Variants in LRRC8D observed in about 807,000 individuals in gnomAD.
The protein encoded by LRRC8D is leucine rich repeat containing 8 VRAC subunit D, also known as volume-regulated anion channel subunit LRRC8D.
A neutral mutation model predicts 55.8 loss-of-function variants in LRRC8D; 20 were observed. The ratio of observed to expected loss-of-function variants is 0.36; its 90% CI spans 0.25 to 0.52. The LOEUF (loss-of-function observed/expected upper bound fraction) is 0.52, where lower values mean the gene tolerates loss of function less well. Ranked by LOEUF, LRRC8D falls within the 20% of genes least tolerant of loss-of-function variation. The pLI, the probability that LRRC8D is intolerant of heterozygous loss-of-function variation, is 0.93. For missense variants in LRRC8D, 651 were observed against 1,030.8 expected, an observed-to-expected ratio of 0.63 and a Z score of 5.05; for synonymous variants, 352 against 377.0, an observed-to-expected ratio of 0.93 and a Z score of 0.77.
chr1:89,914,664 A>G (rs1270559726), intron 2 of LRRC8D, among the ~76,000 whole-genome samples: 1 of 149,156 alleles, frequency 6.7e-6, no homozygotes, highest in African/African-American at 2.5e-5. Flanking sequence ...GTTTTTGTTT[A>G]CTATTACTGC....
intron 2 of LRRC8D, among the ~76,000 whole-genome samples, chr1:89,854,876 GA>G (rs995385219): frequency 3.9e-5 from 6 of 152,186 alleles, no homozygotes; most frequent in African/African-American, 1.4e-4. Flanking sequence ...TAGCAAGTCA[GA>G]AAAGGGGAAG....
chr1:89,927,166 A>G (rs1416814464), intron 2 of LRRC8D, among the ~76,000 whole-genome samples: 1 of 152,264 alleles, frequency 6.6e-6, no homozygotes, highest in Non-Finnish European at 1.5e-5. Flanking sequence ...CACCAGAGGA[A>G]GAGACAGGCT....
chr1:89,902,453 A>T (rs1166434148), intron 2 of LRRC8D, among the ~76,000 whole-genome samples: 1 of 151,978 alleles, frequency 6.6e-6, no homozygotes, highest in Non-Finnish European at 1.5e-5. Flanking sequence ...GCCCTCTCTG[A>T]TAAGCTGCCG....
chr1:89,842,258 G>T (rs1049077776), intron 1 of LRRC8D, among the ~76,000 whole-genome samples: 10 of 150,668 alleles, frequency 6.6e-5, no homozygotes, highest in Non-Finnish European at 8.8e-5. Flanking sequence ...GTAGGAATTC[G>T]CAGTGTAGGG....
chr1:89,881,763 T>C (rs938688753), intron 2 of LRRC8D, among the ~76,000 whole-genome samples: 6 of 152,198 alleles, frequency 3.9e-5, no homozygotes, highest in African/African-American at 1.4e-4. Context: ...TGGAACAGCC[T>C]CACTGAACTT....
chr1:89,935,000 C>G lies in LRRC8D; in HGVS notation c.1932C>G (p.Asn644Lys). 1 of 1,614,142 alleles carries G rather than the reference C, an allele frequency of 6.2e-7. No homozygotes were observed. Among genetic ancestry groups the G allele is most frequent in the South Asian group, 1.1e-5 (1 of 91,084 alleles). ...MMNVAELELQNCELERIPHAI... is the reference protein window; with the variant it reads ...MMNVAELELQKCELERIPHAI... ...ATGTCGCTGAGCTGGAACTCCAGAACTGTGAGCTAGAGAGAATCCCACATG... is the reference window on the plus strand; with the variant it reads ...ATGTCGCTGAGCTGGAACTCCAGAAGTGTGAGCTAGAGAGAATCCCACATG... Residue 644 changes from asparagine to lysine, a missense_variant, in exon 3 of 3, where the codon AAC becomes AAG. Transcript: ENST00000337338. The surrounding 1 kb of genome is among the most constrained non-coding windows in gnomAD (Gnocchi z 5.9).
At chr1:89,928,658 C>CT (rs1287109243) in intron 2 of LRRC8D, among the ~76,000 whole-genome samples, 1 of 152,100 alleles carries the variant, frequency 6.6e-6, no homozygotes, top group Non-Finnish European at 1.5e-5. Context: ...TTACAGTACT[C>CT]TGTACTCTGT....
rs117340819 is a variant in LRRC8D at position 89,869,243 on chromosome 1, T to C, written c.-3+25461T>C. Among the ~76,000 whole-genome samples, 112 of 152,226 alleles carry C rather than the reference T, an allele frequency of 7.4e-4. 4 individuals carry two copies. In the East Asian group the frequency reaches 0.015, roughly 20 times the overall value. On this transcript the variant is annotated intron_variant, in intron 2 of 2. Transcript: ENST00000337338. ...ATTTTGACTGAGATTTTGTGATTGC[T>C]ACCTTGGCCTGTGCTGACTAGAATA...
intron 2 of LRRC8D, among the ~76,000 whole-genome samples, chr1:89,849,586 G>A (rs1476120135): frequency 7.3e-5 from 11 of 151,424 alleles, no homozygotes; most frequent in Non-Finnish European, 1.3e-4. Context: ...CAAAATTAAT[G>A]GTTTAATTTT....
intron 2 of LRRC8D, among the ~76,000 whole-genome samples, chr1:89,886,689 A>G (rs1475043683): frequency 1.3e-5 from 2 of 152,208 alleles, no homozygotes; most frequent in Non-Finnish European, 2.9e-5. Context: ...AAACGGAAAT[A>G]TGCACGTGAG....
chr1:89,826,456 G>C (rs1031536221), intron 1 of LRRC8D, among the ~76,000 whole-genome samples: 3 of 152,034 alleles, frequency 2.0e-5, no homozygotes, highest in African/African-American at 4.8e-5. Flanking sequence ...AGTAGAGATG[G>C]GGTTTCACCA....
At chr1:89,822,912 A>G (rs1660675588) in intron 1 of LRRC8D, among the ~76,000 whole-genome samples, 1 of 152,184 alleles carries the variant, frequency 6.6e-6, no homozygotes, top group Non-Finnish European at 1.5e-5. Flanking sequence ...ATCCAAGTGC[A>G]AGATGGGGAG....
At chr1:89,858,370 A>T (rs1661614721) in intron 2 of LRRC8D, among the ~76,000 whole-genome samples, 1 of 152,174 alleles carries the variant, frequency 6.6e-6, no homozygotes. Context: ...AGCTAATGTG[A>T]GGCTGTTGGT....
At position 89,897,531 on chromosome 1, in the gene LRRC8D, A is replaced by G. The variant is rs372073314; in HGVS notation, c.-2-35536A>G. Among the ~76,000 whole-genome samples, 14 of 152,358 alleles carry G rather than the reference A, an allele frequency of 9.2e-5. 1 individual carries two copies. The highest frequency in any genetic ancestry group is 3.3e-4 in the Admixed American group (5 of 15,306). Reference sequence around the variant, plus strand: ...AAATATTCATGTGGTGTTTAAAAGCATGATACATATTGCACAATCTTAATC... The same window carrying G: ...AAATATTCATGTGGTGTTTAAAAGCGTGATACATATTGCACAATCTTAATC... On this transcript the variant is annotated intron_variant, in intron 2 of 2. Transcript: ENST00000337338.
intron 2 of LRRC8D, among the ~76,000 whole-genome samples, chr1:89,886,075 A>G (rs1164726598): frequency 6.6e-6 from 1 of 152,244 alleles, no homozygotes; most frequent in East Asian, 1.9e-4. Context: ...GGAGAGGAAT[A>G]GTAATGGGAG....
chr1:89,875,573 G>A (rs1662125428), intron 2 of LRRC8D, among the ~76,000 whole-genome samples: 1 of 152,138 alleles, frequency 6.6e-6, no homozygotes, highest in Admixed American at 6.5e-5. Context: ...AGAGAAGGGG[G>A]TGTTACATGG....
chr1:89,915,209 C>T (rs536463911), intron 2 of LRRC8D, among the ~76,000 whole-genome samples: 1 of 152,246 alleles, frequency 6.6e-6, no homozygotes, highest in African/African-American at 2.4e-5. Context: ...TCCTAAATAC[C>T]TAACAGAGTG....
intron 2 of LRRC8D, among the ~76,000 whole-genome samples, chr1:89,869,718 G>T (rs1661947145): frequency 6.6e-6 from 1 of 152,132 alleles, no homozygotes; most frequent in Non-Finnish European, 1.5e-5. Context: ...AGAAAGGTCG[G>T]GTTACCCACA....
At chr1:89,898,736 T>C (rs1450707149) in intron 2 of LRRC8D, among the ~76,000 whole-genome samples, 1 of 152,242 alleles carries the variant, frequency 6.6e-6, no homozygotes, top group Non-Finnish European at 1.5e-5. Context: ...TAAGATTTAA[T>C]TTACATACTG....
Sources: allele counts gnomAD v4.1 joint callset (sites outside exome capture counted in the v4.1 genomes callset), GRCh38; gene constraint gnomAD v4.1.1; non-coding constraint Gnocchi (gnomAD v3.1); transcripts MANE v1.5; gene names NCBI Gene and HGNC (gene_info 2026-07-23, HGNC 2026-07-21).